The following ME3 variants were observed in gnomAD, a reference collection of about 807,000 sequenced individuals.
ME3 encodes NADP-dependent malic enzyme, mitochondrial.
A neutral mutation model predicts 68.9 loss-of-function variants in ME3; 48 were observed. The ratio of observed to expected loss-of-function variants is 0.70; its 90% CI spans 0.55 to 0.89. The LOEUF (loss-of-function observed/expected upper bound fraction) is 0.89. Ranked by LOEUF, ME3 falls within the 40% of genes least tolerant of loss-of-function variation. ME3 has a pLI of 0.00. For synonymous variants in ME3, 320 were observed against 318.8 expected (o/e 1.00, Z -0.04); for missense variants, 675 against 797.4 (o/e 0.85, Z 1.85).
At chr11:86,623,035 G>A (rs1943443380) in intron 2 of ME3, among the ~76,000 whole-genome samples, 1 of 152,198 alleles carries the variant, frequency 6.6e-6, no homozygotes, top group South Asian at 2.1e-4. Flanking sequence ...TTAGTTTTAT[G>A]TGCCAACTTG....
exon 3 of ME3, chr11:86,559,801 T>C: frequency 6.2e-7 from 1 of 1,614,046 alleles, no homozygotes; most frequent in African/African-American, 1.3e-5. Context: ...CTGCAGCCTT[T>C]CTTCAAGGGT....
chr11:86,469,773 T>A (rs1459410096), intron 7 of ME3, among the ~76,000 whole-genome samples: 1 of 152,048 alleles, frequency 6.6e-6, no homozygotes, highest in Non-Finnish European at 1.5e-5. Context: ...GGAAATGGCC[T>A]TGGAGTGGCC....
chr11:86,526,644 G>A (rs2139229729), intron 4 of ME3, among the ~76,000 whole-genome samples: 2 of 152,268 alleles, frequency 1.3e-5, no homozygotes, highest in East Asian at 3.9e-4. Context: ...CACCTCACAT[G>A]GCTGGGTACC....
intron 2 of ME3, among the ~76,000 whole-genome samples, chr11:86,561,043 T>C (rs1957206629): frequency 6.6e-6 from 1 of 152,024 alleles, no homozygotes; most frequent in Non-Finnish European, 1.5e-5. Context: ...ATATAATAAA[T>C]GTGATTATCA....
At chr11:86,510,415 C>T (rs906925065) in intron 4 of ME3, among the ~76,000 whole-genome samples, 25 of 152,208 alleles carry the variant, frequency 1.6e-4, no homozygotes, top group Non-Finnish European at 2.8e-4. Context: ...TTGGGTAAGT[C>T]ATCCCGCCAT....
At chr11:86,450,061 T>C (rs1433600107) in intron 9 of ME3, 59 bp from the exon 10 acceptor site, 22 of 1,349,198 alleles carry the variant, frequency 1.6e-5, no homozygotes, top group Non-Finnish European at 1.6e-5. Flanking sequence ...TGAACATTTA[T>C]CTGATGTCTT....
At chr11:86,621,968 G>A (rs1943375394) in intron 2 of ME3, among the ~76,000 whole-genome samples, 2 of 152,112 alleles carry the variant, frequency 1.3e-5, no homozygotes, top group East Asian at 1.9e-4. Context: ...GAGATAACAG[G>A]AAAGTTTCAA....
At chr11:86,663,375 C>T (rs1212204641) in intron 2 of ME3, among the ~76,000 whole-genome samples, 1 of 152,188 alleles carries the variant, frequency 6.6e-6, no homozygotes, top group Non-Finnish European at 1.5e-5. Context: ...AACTGGGCTG[C>T]ATGGCAACCT....
At chr11:86,545,735 C>G (rs998591104) in intron 4 of ME3, among the ~76,000 whole-genome samples, 4 of 152,298 alleles carry the variant, frequency 2.6e-5, no homozygotes, top group Admixed American at 1.3e-4. Flanking sequence ...AATGGCCATA[C>G]TGCCCAAAGT....
intron 2 of ME3, among the ~76,000 whole-genome samples, chr11:86,622,244 G>A (rs1451762539): frequency 1.3e-5 from 2 of 152,026 alleles, no homozygotes; most frequent in Admixed American, 6.5e-5. Context: ...ACATGGATAG[G>A]TTGTGCCAGA....
chr11:86,596,679 T>A (rs1959516793), intron 2 of ME3, among the ~76,000 whole-genome samples: 1 of 152,178 alleles, frequency 6.6e-6, no homozygotes, highest in Non-Finnish European at 1.5e-5. Flanking sequence ...GGCTACCTCT[T>A]TCACATTATA....
At chr11:86,595,761 G>A (rs1266964004) in intron 2 of ME3, among the ~76,000 whole-genome samples, 3 of 152,228 alleles carry the variant, frequency 2.0e-5, no homozygotes, top group East Asian at 1.9e-4. Flanking sequence ...GGGTTGATGT[G>A]TAAGAGGCAA....
intron 2 of ME3, among the ~76,000 whole-genome samples, chr11:86,578,477 G>A (rs1594524718): frequency 6.6e-6 from 1 of 152,104 alleles, no homozygotes. Context: ...TGGTGCGTGC[G>A]AATAAGTGGG....
chr11:86,529,391 G>A (rs570236299), intron 4 of ME3, among the ~76,000 whole-genome samples: 14 of 152,232 alleles, frequency 9.2e-5, no homozygotes, highest in African/African-American at 3.1e-4. Flanking sequence ...AAAAAGTCCA[G>A]GACCAGATGG....
chr11:86,501,613 A>T (rs558253867), intron 5 of ME3, among the ~76,000 whole-genome samples: 86 of 152,258 alleles, frequency 5.6e-4, no homozygotes, highest in Non-Finnish European at 1.1e-3. Flanking sequence ...AGTCTTCCCA[A>T]TTCCCACAAG....
chr11:86,467,352 G>A (rs1950531720), intron 7 of ME3, among the ~76,000 whole-genome samples: 1 of 152,084 alleles, frequency 6.6e-6, no homozygotes, highest in South Asian at 2.1e-4. Flanking sequence ...GGGGCTCACT[G>A]TGTCTCCCCA....
chr11:86,612,208 C>G (rs1471149431), intron 2 of ME3, among the ~76,000 whole-genome samples: 1 of 152,162 alleles, frequency 6.6e-6, no homozygotes, highest in Non-Finnish European at 1.5e-5. Flanking sequence ...TGATAGCTTC[C>G]AGCTTCATCC....
At chr11:86,471,324 CG>C (rs968162482) in intron 7 of ME3, among the ~76,000 whole-genome samples, 6 of 151,808 alleles carry the variant, frequency 4.0e-5, no homozygotes, top group African/African-American at 1.5e-4. Context: ...TTACTAGAGA[CG>C]GGATTTCACC....
chr11:86,661,788 C>G (rs1946294136), intron 2 of ME3, among the ~76,000 whole-genome samples: 1 of 152,110 alleles, frequency 6.6e-6, no homozygotes, highest in Non-Finnish European at 1.5e-5. Context: ...ACTAACTGGT[C>G]CTCACTTGCA....
Sources: gnomAD v4.1 joint callset for allele counts (sites outside exome capture counted in the v4.1 genomes callset) on GRCh38, gnomAD v4.1.1 for gene constraint, MANE v1.5 for transcripts, NCBI Gene and HGNC (gene_info 2026-07-23, HGNC 2026-07-21) for gene names.